Variants in RBFOX1 observed in about 807,000 individuals in gnomAD.
The protein encoded by RBFOX1 is RNA binding fox-1 homolog 1.
A neutral mutation model predicts 57.7 loss-of-function variants in RBFOX1; 8 were observed. That is an observed-to-expected ratio of 0.14 (90% CI 0.08 to 0.25). The LOEUF is 0.25. Ranked by LOEUF, RBFOX1 falls within the 10% of genes least tolerant of loss-of-function variation. The pLI, the probability that RBFOX1 is intolerant of heterozygous loss-of-function variation, is 1.00. For missense variants in RBFOX1, 611 were observed against 548.5 expected, an observed-to-expected ratio of 1.11 and a Z score of -1.14; for synonymous variants, 326 against 222.4, an observed-to-expected ratio of 1.47 and a Z score of -4.15.
At chr16:5,553,951 C>G (rs1027690648) in intron 2 of RBFOX1, among the ~76,000 whole-genome samples, 59 of 148,206 alleles carry the variant, frequency 4.0e-4, no homozygotes, top group African/African-American at 1.4e-3. Context: ...ATAATCAATA[C>G]TTTCTTATAA....
rs530075337 is a variant in RBFOX1, at chr16:5,961,395, C to T, written c.351+94060C>T. 6.6e-5 allele frequency among the ~76,000 whole-genome samples: 10 copies of T among 151,998 alleles called. No homozygotes were observed. The East Asian group carries it at 1.2e-3, about 18-fold the overall frequency. ...CAATAGCAAAGCCAGAACCTAAATT[C>T]GGGTGGTGGGACAGAAATTCTTAAC... On this transcript the variant is annotated intron_variant, in intron 4 of 19. Transcript: ENST00000641259.
intron 4 of RBFOX1, among the ~76,000 whole-genome samples, chr16:5,904,337 G>C (rs1485346164): frequency 6.6e-6 from 1 of 152,100 alleles, no homozygotes; most frequent in Non-Finnish European, 1.5e-5. Flanking sequence ...CCTCGACTTT[G>C]ATGCCTGCTC....
Position 6,057,348 on chromosome 16 carries a change from T to A in RBFOX1, c.-127+37356T>A, listed in dbSNP as rs111723705. On this transcript the variant is annotated intron_variant, in intron 1 of 15. Transcript: ENST00000550418. ...TTAATATCATGCAACTGTTTATTAA[T>A]AAGCTCCAAACCCCAAAGGATCCTT... Among the ~76,000 whole-genome samples, 6 of 152,252 alleles carry A rather than the reference T, an allele frequency of 3.9e-5. 1 individual carries two copies. The highest frequency in any genetic ancestry group is 1.2e-4 in the African/African-American group (5 of 41,558).
rs118183164 is a variant in RBFOX1, at chr16:6,578,401, C to T, written c.-63-76202C>T. 3.0e-4 allele frequency among the ~76,000 whole-genome samples: 45 copies of T among 152,216 alleles called. No homozygotes were observed. The East Asian group carries it at 7.7e-3, about 26-fold the overall frequency. ...TGTGATTCATGACCTTATGGATGGACGGTGTTCTCATCCATCTGTCCTTGG... is the reference window on the plus strand; with the variant it reads ...TGTGATTCATGACCTTATGGATGGATGGTGTTCTCATCCATCTGTCCTTGG... On this transcript the variant is annotated intron_variant, in intron 2 of 15. Coordinates refer to ENST00000550418, the MANE Select transcript of RBFOX1 (RefSeq NM_018723.4).
chr16:6,920,399 C>T (rs1185502303), intron 3 of RBFOX1, among the ~76,000 whole-genome samples: 1 of 152,144 alleles, frequency 6.6e-6, no homozygotes, highest in Admixed American at 6.5e-5. Context: ...GTCCTTTCTA[C>T]TGTTTCTCTT....
At chr16:6,724,207 C>CTTTTTTTTT (rs766088068) in intron 3 of RBFOX1, among the ~76,000 whole-genome samples, 1 of 141,542 alleles carries the variant, frequency 7.1e-6, no homozygotes, top group African/African-American at 2.7e-5. Flanking sequence ...AGGCATCTTC[C>CTTTTTTTTT]ATTTTTTTTT....
chr16:6,695,680 C>A (rs1484309004), intron 3 of RBFOX1, among the ~76,000 whole-genome samples: 1 of 152,080 alleles, frequency 6.6e-6, no homozygotes, highest in Non-Finnish European at 1.5e-5. Flanking sequence ...GTTAGTACTC[C>A]ATAGATATTT....
chr16:5,682,902 A>C (rs1333510183), intron 3 of RBFOX1, among the ~76,000 whole-genome samples: 1 of 152,186 alleles, frequency 6.6e-6, no homozygotes, highest in East Asian at 1.9e-4. Context: ...CAGCTGTGGA[A>C]GTGCAGACCC....
chr16:7,328,450 A>G (rs889881296), intron 4 of RBFOX1, among the ~76,000 whole-genome samples: 3 of 136,900 alleles, frequency 2.2e-5, no homozygotes, highest in African/African-American at 8.7e-5. Context: ...ATTGCACTCT[A>G]GCCTGGGACA....
chr16:7,629,859 C>G (rs1027409527), intron 10 of RBFOX1, among the ~76,000 whole-genome samples: 1 of 152,190 alleles, frequency 6.6e-6, no homozygotes. Flanking sequence ...GCCTTTCTGG[C>G]TGGAAGGCAG....
At chr16:5,925,292 G>A (rs565900987) in intron 4 of RBFOX1, among the ~76,000 whole-genome samples, 2 of 152,188 alleles carry the variant, frequency 1.3e-5, no homozygotes, top group African/African-American at 2.4e-5. Flanking sequence ...ACAAAATGCT[G>A]TCTACCCATA....
rs548506594 is a variant in RBFOX1, at chr16:5,890,367, G to T, written c.351+23032G>T. Among the ~76,000 whole-genome samples, 8 of 152,258 alleles carry T rather than the reference G, an allele frequency of 5.3e-5. No homozygotes were observed. The East Asian group carries it at 1.5e-3, about 29-fold the overall frequency. On this transcript the variant is annotated intron_variant, in intron 4 of 19. Transcript: ENST00000641259. ...TAATTTCACAGCTGAGTAAACGGAG[G>T]TGCTGGTAGTTAATGATTTTGCCAT...
At chr16:7,138,084 A>G (rs567911571) in intron 4 of RBFOX1, among the ~76,000 whole-genome samples, 1 of 152,280 alleles carries the variant, frequency 6.6e-6, no homozygotes, top group East Asian at 1.9e-4. Flanking sequence ...TTTGGAGAGA[A>G]TGGTGACTCA....
At chr16:6,782,367 C>G (rs1442977323) in intron 3 of RBFOX1, among the ~76,000 whole-genome samples, 1 of 152,138 alleles carries the variant, frequency 6.6e-6, no homozygotes, top group African/African-American at 2.4e-5. Flanking sequence ...TGCTGTGTTT[C>G]TACTAAATTT....
intron 2 of RBFOX1, among the ~76,000 whole-genome samples, chr16:5,575,595 G>T (rs1159535049): frequency 6.6e-6 from 1 of 152,196 alleles, no homozygotes; most frequent in East Asian, 1.9e-4. Context: ...ATGCCAGCCA[G>T]GGTTGGAGCT....
In RBFOX1 at chr16:5,291,414, C is replaced by T. The variant is rs540379807; in HGVS notation, c.219+51309C>T. On this transcript the variant is annotated intron_variant, in intron 1 of 2. Transcript: ENST00000585867. ...AGTAGCTGGGACTACAGGCACCCGC[C>T]ACCACGCCCTGCTAATTTTTTTGTA... Among the ~76,000 whole-genome samples, 46 of 152,232 alleles carry T rather than the reference C, an allele frequency of 3.0e-4. No individual in the cohort carries two copies. The South Asian group carries it at 9.3e-3, about 31-fold the overall frequency.
chr16:5,583,426 C>T (rs767947530), intron 2 of RBFOX1, among the ~76,000 whole-genome samples: 1 of 152,168 alleles, frequency 6.6e-6, no homozygotes. Context: ...GTTCAAACTG[C>T]GTTCAAATAA....
chr16:6,632,188 T>A (rs1036140476), intron 2 of RBFOX1, among the ~76,000 whole-genome samples: 16 of 152,286 alleles, frequency 1.1e-4, no homozygotes, highest in African/African-American at 3.9e-4. Context: ...GACACTTAAC[T>A]GCATCGGGTT....
intron 14 of RBFOX1, among the ~76,000 whole-genome samples, chr16:7,700,858 T>A (rs1157310888): frequency 6.6e-6 from 1 of 152,068 alleles, no homozygotes; most frequent in Non-Finnish European, 1.5e-5. Context: ...TGAATGGCAT[T>A]GGTGGGCTAG....
Sources: allele counts gnomAD v4.1 joint callset (sites outside exome capture counted in the v4.1 genomes callset), GRCh38; gene constraint gnomAD v4.1.1; transcripts MANE v1.5; gene names NCBI Gene and HGNC (gene_info 2026-07-23, HGNC 2026-07-21).